The following CALN1 variants were observed in gnomAD, a reference collection of about 807,000 sequenced individuals.
The protein encoded by CALN1 is calneuron 1.
A neutral mutation model predicts 30.6 loss-of-function variants in CALN1; 17 were observed. That is an observed-to-expected ratio of 0.56 (90% CI 0.38 to 0.83). The LOEUF (loss-of-function observed/expected upper bound fraction) is 0.83. CALN1 is among the 40% of genes least tolerant of loss of function. The pLI, the probability that CALN1 is intolerant of heterozygous loss-of-function variation, is 0.00. For missense variants in CALN1, 291 were observed against 354.9 expected (o/e 0.82, Z 1.45); for synonymous variants, 156 against 131.4 (o/e 1.19, Z -1.28).
At chr7:71,911,666 A>G (rs1794430845) in intron 5 of CALN1, among the ~76,000 whole-genome samples, 1 of 152,142 alleles carries the variant, frequency 6.6e-6, no homozygotes, top group Non-Finnish European at 1.5e-5. Flanking sequence ...GAAAAATGAG[A>G]TGACTTTCCC....
chr7:72,413,222 CACAT>C (rs998437824), upstream of CALN1, among the ~76,000 whole-genome samples: 6 of 151,262 alleles, frequency 4.0e-5, no homozygotes, highest in East Asian at 1.9e-4. Context: ...CACTCATACA[CACAT>C]ATACACTCAC....
chr7:72,096,088 G>A (rs973078458), intron 4 of CALN1, among the ~76,000 whole-genome samples: 8 of 150,162 alleles, frequency 5.3e-5, no homozygotes, highest in African/African-American at 2.0e-4. Flanking sequence ...TAGATAGATA[G>A]ATAAAGATAG....
At chr7:72,093,898 C>T (rs1806041124) in intron 4 of CALN1, among the ~76,000 whole-genome samples, 1 of 152,138 alleles carries the variant, frequency 6.6e-6, no homozygotes, top group South Asian at 2.1e-4. Context: ...ACCTGAGATT[C>T]AGAACAGGAA....
At chr7:72,370,286 A>G (rs986442800) in intron 2 of CALN1, among the ~76,000 whole-genome samples, 16 of 152,026 alleles carry the variant, frequency 1.1e-4, no homozygotes, top group South Asian at 2.1e-4. Context: ...TATTTTACCT[A>G]TTTTTTATCT....
At chr7:72,479,490 T>A in the CALN1 span, among the ~76,000 whole-genome samples, 1 of 152,042 alleles carries the variant, frequency 6.6e-6, no homozygotes, top group South Asian at 2.1e-4. Flanking sequence ...TTCTCTTATG[T>A]TTTCTTCTAG....
At chr7:72,445,553 T>C (rs925667985) in intron 1 of CALN1, among the ~76,000 whole-genome samples, 1 of 152,196 alleles carries the variant, frequency 6.6e-6, no homozygotes, top group Non-Finnish European at 1.5e-5. Flanking sequence ...GGGTTACTTC[T>C]TTAGAATCTT....
chr7:72,314,486 C>A (rs1389787275), intron 2 of CALN1, among the ~76,000 whole-genome samples: 1 of 150,968 alleles, frequency 6.6e-6, no homozygotes, highest in East Asian at 2.0e-4. Flanking sequence ...TGCAGTGGCA[C>A]AATTTTGGCT....
At chr7:72,387,789 G>C (rs1805326597) in intron 2 of CALN1, among the ~76,000 whole-genome samples, 1 of 152,176 alleles carries the variant, frequency 6.6e-6, no homozygotes, top group Non-Finnish European at 1.5e-5. Context: ...GCCAGGCACA[G>C]AAGGACAAAC....
chr7:72,053,789 CT>C (rs1312944173), intron 4 of CALN1, among the ~76,000 whole-genome samples: 2 of 151,690 alleles, frequency 1.3e-5, no homozygotes, highest in South Asian at 2.1e-4. Flanking sequence ...CCTCACCCCC[CT>C]CCCACCCTTC....
intron 1 of CALN1, among the ~76,000 whole-genome samples, chr7:72,441,755 C>T (rs1322874858): frequency 6.6e-6 from 1 of 152,054 alleles, no homozygotes; most frequent in Non-Finnish European, 1.5e-5. Flanking sequence ...TTCTGGTCAT[C>T]TTTTTAACCT....
intron 1 of CALN1, among the ~76,000 whole-genome samples, chr7:72,409,061 T>A (rs1806913501): frequency 6.6e-6 from 1 of 151,790 alleles, no homozygotes; most frequent in Non-Finnish European, 1.5e-5. Context: ...AGTGGCACTA[T>A]CTCAGCTTAC....
chr7:72,292,656 A>C (rs1798567203), intron 2 of CALN1, among the ~76,000 whole-genome samples: 1 of 151,140 alleles, frequency 6.6e-6, no homozygotes, highest in African/African-American at 2.4e-5. Flanking sequence ...TCCTGTCTCT[A>C]CTAAAAATAT....
At chr7:72,350,766 C>G (rs1382751296) in intron 2 of CALN1, among the ~76,000 whole-genome samples, 1 of 131,866 alleles carries the variant, frequency 7.6e-6, no homozygotes, top group Non-Finnish European at 1.6e-5. Context: ...CACATGTACC[C>G]CTGAAACAAA....
the CALN1 span, among the ~76,000 whole-genome samples, chr7:72,460,712 A>G: frequency 5.3e-5 from 8 of 152,170 alleles, no homozygotes; most frequent in Admixed American, 2.6e-4. Flanking sequence ...GATACATTGT[A>G]TACATCTCGA....
intron 5 of CALN1, among the ~76,000 whole-genome samples, chr7:71,858,806 C>T (rs11765031): frequency 0.4 from 60,270 of 151,814 alleles, 12,049 homozygotes; most frequent in East Asian, 0.53. Context: ...TTTACACATA[C>T]TGATTGATGT....
At chr7:72,105,141 A>G (rs758800510) in intron 4 of CALN1, among the ~76,000 whole-genome samples, 9 of 151,940 alleles carry the variant, frequency 5.9e-5, no homozygotes, top group Non-Finnish European at 1.3e-4. Context: ...TGGTTTTACA[A>G]ATCTGTGACT....
intron 5 of CALN1, among the ~76,000 whole-genome samples, chr7:72,023,373 C>A (rs1488885412): frequency 1.3e-5 from 2 of 152,056 alleles, no homozygotes; most frequent in African/African-American, 2.4e-5. Context: ...TATCAGTGTG[C>A]CCCTTTGAAG....
intron 2 of CALN1, among the ~76,000 whole-genome samples, chr7:72,362,210 C>CG (rs1209078861): frequency 2.0e-5 from 3 of 152,180 alleles, no homozygotes; most frequent in African/African-American, 7.2e-5. Context: ...TTCACAGCTT[C>CG]GTTCGTTGCT....
the CALN1 span, among the ~76,000 whole-genome samples, chr7:72,460,061 A>C: frequency 6.6e-6 from 1 of 152,168 alleles, no homozygotes; most frequent in Admixed American, 6.6e-5. Flanking sequence ...CCAGCATCAC[A>C]TGGCAAGAGA....
Sources: allele counts gnomAD v4.1 joint callset (sites outside exome capture counted in the v4.1 genomes callset), GRCh38; gene constraint gnomAD v4.1.1; transcripts MANE v1.5; gene names NCBI Gene and HGNC (gene_info 2026-07-23, HGNC 2026-07-21).